The following DLG2 variants were observed in gnomAD, a reference collection of about 807,000 sequenced individuals.
DLG2 encodes disks large homolog 2.
DLG2 carries 45 observed loss-of-function variants against 132.5 expected under a neutral mutation model. That is an observed-to-expected ratio of 0.34 (90% CI 0.27 to 0.44). The LOEUF (loss-of-function observed/expected upper bound fraction) is 0.44, where lower values mean the gene tolerates loss of function less well. Ranked by LOEUF, DLG2 falls within the 20% of genes least tolerant of loss-of-function variation. The probability of loss-of-function intolerance (pLI) is 1.00; values close to 1 mark genes in which losing one functional copy is unlikely to be tolerated. For missense variants in DLG2, 1,045 were observed against 1,196.9 expected (o/e 0.87, Z 1.87); for synonymous variants, 424 against 419.6 (o/e 1.01, Z -0.13).
At chr11:84,230,170 T>C (rs1252299875) in intron 8 of DLG2, among the ~76,000 whole-genome samples, 1 of 152,194 alleles carries the variant, frequency 6.6e-6, no homozygotes, top group Non-Finnish European at 1.5e-5. Context: ...AACAGTAAAC[T>C]TCTTCATCTA....
chr11:83,746,919 G>A (rs925257714), intron 18 of DLG2, among the ~76,000 whole-genome samples: 5 of 152,080 alleles, frequency 3.3e-5, no homozygotes, highest in African/African-American at 4.8e-5. Context: ...GATCATCTGG[G>A]TGCCTGCCCT....
intron 7 of DLG2, among the ~76,000 whole-genome samples, chr11:84,513,021 C>G (rs2099261606): frequency 6.6e-6 from 1 of 151,892 alleles, no homozygotes; most frequent in Non-Finnish European, 1.5e-5. Context: ...AGGATTAGGA[C>G]AAATACCTAA....
At chr11:84,104,713 A>C (rs1004539062) in intron 9 of DLG2, among the ~76,000 whole-genome samples, 7 of 152,098 alleles carry the variant, frequency 4.6e-5, no homozygotes, top group African/African-American at 1.4e-4. Context: ...TTTAACAAGA[A>C]AATTACTAAC....
chr11:84,797,136 C>T (rs181760297), intron 6 of DLG2, among the ~76,000 whole-genome samples: 25 of 152,278 alleles, frequency 1.6e-4, no homozygotes, highest in Admixed American at 1.6e-3. Flanking sequence ...CGTGAGCCAC[C>T]ATGCCCGGCC....
At chr11:83,647,341 T>C (rs2068535387) in intron 18 of DLG2, among the ~76,000 whole-genome samples, 1 of 152,058 alleles carries the variant, frequency 6.6e-6, no homozygotes, top group Non-Finnish European at 1.5e-5. Flanking sequence ...CTGTGCAGCA[T>C]TTTACCCCCA....
intron 6 of DLG2, among the ~76,000 whole-genome samples, chr11:84,678,656 TAGCTTCTA>T (rs1423920875): frequency 2.6e-5 from 4 of 152,102 alleles, no homozygotes; most frequent in African/African-American, 9.7e-5. Context: ...GAAAAGTTTG[TAGCTTCTA>T]TCAACATCAT....
intron 5 of DLG2, among the ~76,000 whole-genome samples, chr11:85,121,680 T>G (rs1336597436): frequency 6.6e-6 from 1 of 152,130 alleles, no homozygotes; most frequent in Non-Finnish European, 1.5e-5. Flanking sequence ...ATTAGTCCAT[T>G]TCTTTTATAC....
At chr11:83,822,136 T>C (rs2051009054) in intron 17 of DLG2, among the ~76,000 whole-genome samples, 1 of 152,092 alleles carries the variant, frequency 6.6e-6, no homozygotes, top group Non-Finnish European at 1.5e-5. Context: ...TTAACCAAAT[T>C]ATTTAACCTC....
At chr11:85,009,487 G>A (rs1337309416) in intron 6 of DLG2, among the ~76,000 whole-genome samples, 2 of 152,062 alleles carry the variant, frequency 1.3e-5, no homozygotes, top group Non-Finnish European at 1.5e-5. Context: ...TTTAGGTATT[G>A]TAGGCCAAGT....
chr11:84,174,886 C>T (rs769799968), intron 8 of DLG2, among the ~76,000 whole-genome samples: 1 of 152,184 alleles, frequency 6.6e-6, no homozygotes, highest in East Asian at 1.9e-4. Flanking sequence ...ACATGCCAGA[C>T]ACTATCTTAA....
intron 7 of DLG2, among the ~76,000 whole-genome samples, chr11:84,262,915 G>A (rs550249959): frequency 6.6e-4 from 101 of 152,192 alleles, no homozygotes; most frequent in Non-Finnish European, 9.7e-4. Context: ...AAAGTTTTGA[G>A]TCATTGATAA....
chr11:85,581,800 T>C (rs1276424519), intron 3 of DLG2, among the ~76,000 whole-genome samples: 1 of 152,132 alleles, frequency 6.6e-6, no homozygotes, highest in Non-Finnish European at 1.5e-5. Flanking sequence ...AGTTGGTAGA[T>C]TGAGTCGTGA....
chr11:85,357,393 C>G (rs570641421), intron 3 of DLG2, among the ~76,000 whole-genome samples: 1 of 149,872 alleles, frequency 6.7e-6, no homozygotes, highest in African/African-American at 2.5e-5. Flanking sequence ...GGGTTTTCAC[C>G]GTGTTAGCCA....
intron 4 of DLG2, among the ~76,000 whole-genome samples, chr11:85,250,813 A>G (rs1309907993): frequency 6.6e-6 from 1 of 152,214 alleles, no homozygotes; most frequent in East Asian, 1.9e-4. Flanking sequence ...CCCTATAAGG[A>G]GCCCTAAAAT....
At chr11:85,189,084 G>A (rs151323584) in intron 4 of DLG2, among the ~76,000 whole-genome samples, 1 of 152,154 alleles carries the variant, frequency 6.6e-6, no homozygotes, top group East Asian at 1.9e-4. Context: ...TTTTAAGGCA[G>A]CAAGATAAAA....
intron 6 of DLG2, among the ~76,000 whole-genome samples, chr11:85,049,359 C>T (rs1235595376): frequency 6.6e-6 from 1 of 152,026 alleles, no homozygotes; most frequent in East Asian, 1.9e-4. Flanking sequence ...AAAGATCTAT[C>T]TGCTGTGTTG....
chr11:85,299,688 C>T (rs1298037062), intron 3 of DLG2, among the ~76,000 whole-genome samples: 1 of 152,150 alleles, frequency 6.6e-6, no homozygotes, highest in Non-Finnish European at 1.5e-5. Context: ...ACCAAAATCA[C>T]CCAAAGAGCT....
chr11:83,664,148 G>A (rs1566396960), intron 18 of DLG2, among the ~76,000 whole-genome samples: 1 of 152,180 alleles, frequency 6.6e-6, no homozygotes, highest in Non-Finnish European at 1.5e-5. Context: ...TTCAGTGAAT[G>A]AAAATAGTAT....
chr11:84,178,793 C>T (rs561242220), intron 8 of DLG2, among the ~76,000 whole-genome samples: 116 of 151,850 alleles, frequency 7.6e-4, no homozygotes, highest in Admixed American at 1.5e-3. Flanking sequence ...CTATATACTG[C>T]AGGGGAAACA....
Sources: allele counts gnomAD v4.1 joint callset (sites outside exome capture counted in the v4.1 genomes callset), GRCh38; gene constraint gnomAD v4.1.1; transcripts MANE v1.5; gene names NCBI Gene and HGNC (gene_info 2026-07-23, HGNC 2026-07-21).